Variants in CCDC91 observed in about 807,000 individuals in gnomAD.
CCDC91 encodes the protein coiled-coil domain-containing protein 91.
In CCDC91, 48 loss-of-function variants were observed where a neutral mutation model predicts 63.2. That is an observed-to-expected ratio of 0.76 (90% CI 0.60 to 0.97). CCDC91 has a LOEUF of 0.97. Among genes scored for constraint, CCDC91 ranks in the 50% least tolerant of loss-of-function variants. The pLI, the probability that CCDC91 is intolerant of heterozygous loss-of-function variation, is 0.00. For synonymous variants in CCDC91, 167 were observed against 165.8 expected (o/e 1.01, Z -0.06); for missense variants, 500 against 494.6 (o/e 1.01, Z -0.10).
chr12:28,531,352 T>G lies in CCDC91; in HGVS notation c.1216-17711T>G, dbSNP rs191446982. Among the ~76,000 whole-genome samples the G allele has an allele frequency of 8.1e-4, 123 of 152,248 alleles. 1 individual carries two copies. The East Asian group carries it at 0.021, about 26-fold the overall frequency. On this transcript the variant is annotated intron_variant, in intron 12 of 12. Transcript: ENST00000536442. ...TAAGACTCGACAAATTATCAAAATT[T>G]TTTATAAATTTCAAAACGTATGTAA...
intron 7 of CCDC91, among the ~76,000 whole-genome samples, chr12:28,370,983 G>C (rs1356582168): frequency 6.6e-6 from 1 of 152,100 alleles, no homozygotes; most frequent in African/African-American, 2.4e-5. Context: ...TATAATTCAA[G>C]ATGAAATTTG....
At chr12:28,435,117 A>T (rs546260151) in intron 8 of CCDC91, among the ~76,000 whole-genome samples, 1 of 150,162 alleles carries the variant, frequency 6.7e-6, no homozygotes, top group Non-Finnish European at 1.5e-5. Flanking sequence ...TTTTTCCTCT[A>T]TTTTCTGTTT....
chr12:28,261,271 G>A (rs1946807132), intron 3 of CCDC91, among the ~76,000 whole-genome samples: 1 of 151,974 alleles, frequency 6.6e-6, no homozygotes. Context: ...GAAAGGTTAG[G>A]GCTGGAGTTC....
intron 12 of CCDC91, among the ~76,000 whole-genome samples, chr12:28,525,728 C>T (rs554449587): frequency 7.9e-5 from 12 of 151,994 alleles, no homozygotes; most frequent in Non-Finnish European, 1.3e-4. Context: ...TATTATGTTG[C>T]TGTCTATCTC....
chr12:28,263,701 T>C (rs1946981189), intron 3 of CCDC91, among the ~76,000 whole-genome samples: 2 of 152,070 alleles, frequency 1.3e-5, no homozygotes, highest in South Asian at 4.1e-4. Context: ...GACTCCCATC[T>C]CTTTATGTCT....
chr12:28,354,209 T>C (rs138378897), intron 6 of CCDC91, among the ~76,000 whole-genome samples: 2,544 of 152,202 alleles, frequency 0.017, 26 homozygotes, highest in South Asian at 0.029. Context: ...CTCCAAATGA[T>C]CTAGGGGGAA....
chr12:28,287,484 G>A (rs1948986179), intron 3 of CCDC91, among the ~76,000 whole-genome samples: 1 of 152,040 alleles, frequency 6.6e-6, no homozygotes, highest in African/African-American at 2.4e-5. Flanking sequence ...CCCATTGCTT[G>A]CTTCTCTCAG....
intron 11 of CCDC91, among the ~76,000 whole-genome samples, chr12:28,478,525 G>A (rs550829831): frequency 2.4e-4 from 36 of 152,194 alleles, no homozygotes; most frequent in Admixed American, 7.2e-4. Flanking sequence ...GAAAACCTAG[G>A]CAATACCATT....
chr12:28,435,084 C>T (rs1397774444), intron 8 of CCDC91, among the ~76,000 whole-genome samples: 1 of 151,480 alleles, frequency 6.6e-6, no homozygotes, highest in African/African-American at 2.4e-5. Flanking sequence ...AACCAAATAA[C>T]CAGCTTTTGG....
At chr12:28,208,077 A>G (rs1310412318) in intron 1 of CCDC91, among the ~76,000 whole-genome samples, 2 of 152,206 alleles carry the variant, frequency 1.3e-5, no homozygotes, top group Non-Finnish European at 2.9e-5. Context: ...TTAAAGTTCC[A>G]GGAATTCTTA....
intron 3 of CCDC91, chr12:28,304,711 G>T: frequency 8.3e-7 from 1 of 1,199,588 alleles, no homozygotes; most frequent in Non-Finnish European, 1.1e-6. Flanking sequence ...GTGGAATAAA[G>T]GTCTTTATAG....
intron 7 of CCDC91, among the ~76,000 whole-genome samples, chr12:28,372,344 A>AT (rs1418185758): frequency 6.6e-6 from 1 of 151,718 alleles, no homozygotes; most frequent in Non-Finnish European, 1.5e-5. Flanking sequence ...TTTTAGGATT[A>AT]TTTTTTCTAT....
chr12:28,448,046 A>G lies in CCDC91; in HGVS notation c.763-2115A>G, dbSNP rs369811089. Among the ~76,000 whole-genome samples, 14 of 152,244 alleles carry G rather than the reference A, an allele frequency of 9.2e-5. No homozygotes were observed. In the East Asian group the frequency reaches 2.5e-3, roughly 27 times the overall value. On this transcript the variant is annotated intron_variant, in intron 8 of 12. Transcript: ENST00000536442. ...AGGCCTTACTTGACATACGGATTACATTATGTAGCTTTTAATTACTATAGG... is the reference window on the plus strand; with the variant it reads ...AGGCCTTACTTGACATACGGATTACGTTATGTAGCTTTTAATTACTATAGG...
chr12:28,304,386 A>AAAG (rs1938444022), intron 3 of CCDC91, among the ~76,000 whole-genome samples: 1 of 34,428 alleles, frequency 2.9e-5, no homozygotes, highest in South Asian at 1.4e-3. Context: ...AAAAAAAAAA[A>AAAG]AAAAAAAAAA....
intron 3 of CCDC91, among the ~76,000 whole-genome samples, chr12:28,265,417 T>C (rs1036786756): frequency 1.3e-5 from 2 of 152,010 alleles, no homozygotes; most frequent in Non-Finnish European, 2.9e-5. Flanking sequence ...CCAAATAAGT[T>C]AGATGTGGTT....
chr12:28,330,978 T>C (rs899206533), intron 6 of CCDC91, among the ~76,000 whole-genome samples: 1 of 152,218 alleles, frequency 6.6e-6, no homozygotes, highest in Non-Finnish European at 1.5e-5. Flanking sequence ...TAAAACTGAT[T>C]TTTTGCCTGC....
At chr12:28,441,855 A>G (rs540128788) in intron 8 of CCDC91, among the ~76,000 whole-genome samples, 2 of 151,986 alleles carry the variant, frequency 1.3e-5, no homozygotes, top group African/African-American at 2.4e-5. Context: ...AAAATATTCT[A>G]TGTCATGATA....
intron 8 of CCDC91, among the ~76,000 whole-genome samples, chr12:28,403,756 A>C (rs575536013): frequency 6.6e-6 from 1 of 152,292 alleles, no homozygotes; most frequent in South Asian, 2.1e-4. Flanking sequence ...TGTTTCAGCA[A>C]ATAATCTTTT....
intron 12 of CCDC91, among the ~76,000 whole-genome samples, chr12:28,519,091 G>T (rs187458472): frequency 5.6e-4 from 85 of 151,950 alleles, no homozygotes; most frequent in Non-Finnish European, 1.1e-3. Context: ...AAGAATGTTG[G>T]TGGTATTTTG....
Sources: gnomAD v4.1 joint callset for allele counts (sites outside exome capture counted in the v4.1 genomes callset) on GRCh38, gnomAD v4.1.1 for gene constraint, MANE v1.5 for transcripts, NCBI Gene and HGNC (gene_info 2026-07-23, HGNC 2026-07-21) for gene names.